The following FBXO3 variants were observed in gnomAD, a reference collection of about 807,000 sequenced individuals.
The protein encoded by FBXO3 is F-box protein 3.
Under a neutral mutation model 64.8 loss-of-function variants are expected in FBXO3, and 17 were observed. The ratio of observed to expected loss-of-function variants is 0.26; its 90% CI spans 0.18 to 0.39. The LOEUF is 0.39. Ranked by LOEUF, FBXO3 falls within the 10% of genes least tolerant of loss-of-function variation. The pLI is 1.00. For missense variants in FBXO3, 420 were observed against 589.9 expected (o/e 0.71, Z 2.98); for synonymous variants, 182 against 201.6 (o/e 0.90, Z 0.82).
intron 4 of FBXO3, 21 bp downstream of exon 4, chr11:33,758,466 C>G: frequency 6.5e-7 from 1 of 1,527,816 alleles, no homozygotes; most frequent in Non-Finnish European, 9.0e-7. Context: ...TTAAAAATAA[C>G]CAAAACATTG....
At chr11:33,773,394 G>A (rs1392035959) in intron 1 of FBXO3, 2 of 152,262 alleles carry the variant, frequency 1.3e-5, no homozygotes, top group Non-Finnish European at 2.9e-5. Flanking sequence ...GTAGCTCCAA[G>A]AAATCTGTAT....
In FBXO3 at chr11:33,741,374, C is replaced by G. The variant is rs899134077; in HGVS notation, c.*534G>C. On this transcript the variant is annotated 3_prime_UTR_variant, in exon 11 of 11. Transcript: ENST00000265651. Reference sequence around the variant, plus strand: ...GCGATAAAGACTTTAAATTCAAAGACAGATTGTCTAAGGACAAACCACTAG... The same window carrying G: ...GCGATAAAGACTTTAAATTCAAAGAGAGATTGTCTAAGGACAAACCACTAG... 1 of 152,644 alleles carries G rather than the reference C, an allele frequency of 6.6e-6. No individual in the cohort carries two copies. The allele number at this position is 152,644 out of a possible 1,614,324, so 9.5% of individuals were successfully genotyped here.
chr11:33,767,026 AAGC>A (rs3042023), intron 3 of FBXO3, among the ~76,000 whole-genome samples: 3,252 of 149,898 alleles, frequency 0.022, 56 homozygotes, highest in Non-Finnish European at 0.038. Flanking sequence ...AAAGAAAAAC[AAGC>A]AGCAGCAGCA....
Position 33,748,878 on chromosome 11 carries a change from T to G in FBXO3, c.947A>C (p.Lys316Thr). ...ACAGGCCTTCTCAGGAAGTGCATCT[T>G]TTGACATTTCAATCCTAGAGAAGGG... Reference protein sequence around the residue: ...FTYRIRIEMSKDALPEKACQL... With the variant: ...FTYRIRIEMSTDALPEKACQL... Residue 316 changes from lysine (K) to threonine (T), a missense_variant, in exon 9 of 11, where the codon AAA (lysine) becomes ACA (threonine). By Grantham distance (78) the Lys-to-Thr change is moderately conservative. This residue lies in a region of FBXO3 where 337 missense variants were observed against 518.4 expected (regional missense o/e 0.65). Coordinates refer to ENST00000265651, the MANE Select transcript of FBXO3 (RefSeq NM_012175.4). 6.2e-7 allele frequency: 1 copy of G among 1,612,900 alleles called. No homozygotes were observed. Among genetic ancestry groups the G allele is most frequent in the Non-Finnish European group, 8.5e-7 (1 of 1,178,994 alleles).
intron 9 of FBXO3, among the ~76,000 whole-genome samples, chr11:33,747,556 C>T (rs988727761): frequency 1.5e-4 from 23 of 150,354 alleles, no homozygotes; most frequent in South Asian, 4.2e-4. Context: ...CTGTTGCCCA[C>T]GCTGGAGTGC....
At chr11:33,770,130 A>G (rs1019745103) in intron 2 of FBXO3, among the ~76,000 whole-genome samples, 28 of 152,138 alleles carry the variant, frequency 1.8e-4, no homozygotes, top group African/African-American at 6.5e-4. Flanking sequence ...AAGATCTAGC[A>G]ATACTTAAAA....
chr11:33,745,427 T>C (rs560279646), intron 10 of FBXO3: 1 of 152,200 alleles, frequency 6.6e-6, no homozygotes, highest in South Asian at 2.1e-4. Context: ...ACAAGGATCA[T>C]TTACCAAGAT....
chr11:33,766,953 G>A (rs7115485), intron 3 of FBXO3, among the ~76,000 whole-genome samples: 16,462 of 145,664 alleles, frequency 0.11, 1,336 homozygotes, highest in African/African-American at 0.23. Flanking sequence ...CTGCTAGGTA[G>A]TACAGGGAGC....
At chr11:33,755,280 T>C (rs1334727961) in intron 5 of FBXO3, among the ~76,000 whole-genome samples, 3 of 152,220 alleles carry the variant, frequency 2.0e-5, no homozygotes, top group Admixed American at 1.3e-4. Flanking sequence ...TAACTGAAAA[T>C]TATTTTTTCA....
intron 10 of FBXO3, chr11:33,746,636 A>T (rs905528233): frequency 2.5e-6 from 2 of 799,956 alleles, no homozygotes; most frequent in Non-Finnish European, 4.2e-6. Flanking sequence ...AGTTACTGTT[A>T]CACTTGTCAT....
chr11:33,749,893 C>T (rs894996603), intron 8 of FBXO3, among the ~76,000 whole-genome samples: 2 of 152,166 alleles, frequency 1.3e-5, no homozygotes, highest in South Asian at 4.2e-4. Flanking sequence ...TCCTAGGATG[C>T]TTCCTGGTAG....
chr11:33,757,096 T>C (rs1855116668), intron 4 of FBXO3: 1 of 517,706 alleles, frequency 1.9e-6, no homozygotes, highest in Admixed American at 1.9e-5. Flanking sequence ...CCTGTACTCA[T>C]TCAACCCTCA....
intron 8 of FBXO3, among the ~76,000 whole-genome samples, chr11:33,749,101 C>A (rs1367239518): frequency 6.6e-6 from 1 of 152,172 alleles, no homozygotes; most frequent in Non-Finnish European, 1.5e-5. Flanking sequence ...TGCTTTCACT[C>A]AACTTATGCA....
intron 3 of FBXO3, chr11:33,763,339 T>G: frequency 2.4e-6 from 1 of 420,214 alleles, no homozygotes; most frequent in Non-Finnish European, 4.8e-6. Flanking sequence ...CTCATGAACA[T>G]AGATGTAAAA....
Position 33,770,801 on chromosome 11 carries a change from T to A in FBXO3, c.134A>T (p.Gln45Leu). 1 of 1,610,202 alleles carries A rather than the reference T, an allele frequency of 6.2e-7. No homozygotes were observed. Among genetic ancestry groups the A allele is most frequent in the Non-Finnish European group, 8.5e-7 (1 of 1,177,184 alleles). The change falls in exon 2 of 11, where the codon CAG (glutamine) becomes CTG (leucine). Residue 45 changes from glutamine to leucine, a missense_variant. By Grantham distance (113) the Gln-to-Leu change is moderately radical. Transcript: ENST00000265651. ...CCACAGCGGATCATGACTTGATAGC[T>A]GGCTAAGTCTTCGACTGACATAACA... is the stretch of plus-strand genomic sequence containing the variant. ...NCCYVSRRLS[Q>L]LSSHDPLWRR... is the part of the protein sequence containing the mutation.
chr11:33,743,893 T>C lies in FBXO3; in HGVS notation c.1240-1809A>G, dbSNP rs1457094317. The C allele has an allele frequency of 6.6e-6, 1 of 152,240 alleles. No homozygotes were observed. The highest frequency in any genetic ancestry group is 2.4e-5 in the African/African-American group (1 of 41,468). The allele number at this position is 152,240 out of a possible 1,614,324, so 9.4% of individuals were successfully genotyped here. A position where few individuals can be genotyped will look rare whatever the true frequency, so the allele number is the denominator to read the frequency against. On this transcript the variant is annotated intron_variant, in intron 10 of 10. Transcript: ENST00000265651. The surrounding 1 kb of genome is among the most constrained non-coding windows in gnomAD (Gnocchi z 4.6). ...ACTTAATATAAGGACATAGTGTTTA[T>C]TGTTACAGTTTGTCTCTTTGAATTG...
intron 1 of FBXO3, chr11:33,773,944 C>G (rs1212064853): frequency 6.4e-6 from 1 of 157,050 alleles, no homozygotes; most frequent in Non-Finnish European, 1.4e-5. Context: ...TCTCGCTCAC[C>G]CACCTGCCCA....
chr11:33,774,509 C>G lies in FBXO3; in HGVS notation c.-12G>C. On this transcript the variant is annotated 5_prime_UTR_variant, in exon 1 of 11. Transcript: ENST00000265651. The stretch of plus-strand genomic sequence containing the variant: ...TCCATGGCCGCCATCTTGCCTGGCC[C>G]GGTGCAGGTCTGGCCCCGCCCTGGC... The G allele has an allele frequency of 1.3e-6, 2 of 1,512,016 alleles. No homozygotes were observed. The highest frequency in any genetic ancestry group is 1.8e-6 in the Non-Finnish European group (2 of 1,131,486). The allele number at this position is 1,512,016 out of a possible 1,614,324, so 93.7% of individuals were successfully genotyped here.
At chr11:33,766,870 A>G (rs1308447482) in intron 3 of FBXO3, among the ~76,000 whole-genome samples, 6 of 152,134 alleles carry the variant, frequency 3.9e-5, no homozygotes, top group Non-Finnish European at 7.3e-5. Context: ...AACTCATGGC[A>G]AAGCCCCAGA....
Sources: allele counts gnomAD v4.1 joint callset (sites outside exome capture counted in the v4.1 genomes callset), GRCh38; gene constraint gnomAD v4.1.1; regional missense constraint gnomAD v4.1.1; non-coding constraint Gnocchi (gnomAD v3.1); transcripts MANE v1.5; gene names NCBI Gene and HGNC (gene_info 2026-07-23, HGNC 2026-07-21).